CCSER1: variants seen among roughly 807,000 people sequenced by gnomAD.
CCSER1 encodes the protein serine-rich coiled-coil domain-containing protein 1.
Under a neutral mutation model 82.0 loss-of-function variants are expected in CCSER1, and 41 were observed. The ratio of observed to expected loss-of-function variants is 0.50; its 90% CI spans 0.39 to 0.65. The LOEUF (loss-of-function observed/expected upper bound fraction) is 0.65, where lower values mean the gene tolerates loss of function less well. Ranked by LOEUF, CCSER1 falls within the 30% of genes least tolerant of loss-of-function variation. CCSER1 has a pLI of 0.00. For synonymous variants in CCSER1, 414 were observed against 383.9 expected (o/e 1.08, Z -0.92); for missense variants, 1,119 against 1,064.2 (o/e 1.05, Z -0.72).
chr4:90,700,365 C>T (rs1390349739), intron 6 of CCSER1, among the ~76,000 whole-genome samples: 5 of 152,168 alleles, frequency 3.3e-5, no homozygotes, highest in Non-Finnish European at 5.9e-5. Flanking sequence ...ATATGTGCCA[C>T]ATTTTCTTAA....
chr4:90,156,357 G>C (rs1007645620), intron 1 of CCSER1, among the ~76,000 whole-genome samples: 2 of 152,162 alleles, frequency 1.3e-5, no homozygotes, highest in Non-Finnish European at 2.9e-5. Context: ...CTGTTGATTT[G>C]GGGTGGAGAG....
chr4:90,522,511 A>G (rs968518308), intron 5 of CCSER1, among the ~76,000 whole-genome samples: 3 of 152,136 alleles, frequency 2.0e-5, no homozygotes, highest in African/African-American at 7.2e-5. Flanking sequence ...TTCTTCTGCT[A>G]AGATATCTCC....
At chr4:91,467,993 T>C (rs375258878) in intron 10 of CCSER1, among the ~76,000 whole-genome samples, 2 of 152,126 alleles carry the variant, frequency 1.3e-5, no homozygotes, top group Admixed American at 6.6e-5. Context: ...CCAGCCATCC[T>C]ATTACTGGGT....
intron 5 of CCSER1, among the ~76,000 whole-genome samples, chr4:90,623,991 A>C (rs1722841026): frequency 6.6e-6 from 1 of 152,208 alleles, no homozygotes; most frequent in South Asian, 2.1e-4. Flanking sequence ...AAACAACAGT[A>C]AGTATCCTAA....
chr4:90,183,247 A>G (rs1037757466), intron 1 of CCSER1, among the ~76,000 whole-genome samples: 1 of 152,136 alleles, frequency 6.6e-6, no homozygotes, highest in Non-Finnish European at 1.5e-5. Context: ...CCTCCCATTC[A>G]TATAATTCCT....
At chr4:90,142,727 T>G (rs2153339295) in intron 1 of CCSER1, among the ~76,000 whole-genome samples, 1 of 152,280 alleles carries the variant, frequency 6.6e-6, no homozygotes. Context: ...CTTCACTTTT[T>G]TTTAAAGAGA....
At chr4:91,398,561 C>A (rs1488846795) in intron 10 of CCSER1, among the ~76,000 whole-genome samples, 1 of 151,746 alleles carries the variant, frequency 6.6e-6, no homozygotes, top group Non-Finnish European at 1.5e-5. Flanking sequence ...TGTACAAGAT[C>A]ACTTTTATTA....
chr4:90,451,593 G>C (rs1470433782), intron 4 of CCSER1, among the ~76,000 whole-genome samples: 2 of 152,194 alleles, frequency 1.3e-5, no homozygotes, highest in Non-Finnish European at 2.9e-5. Flanking sequence ...CTGGAAGCTG[G>C]TAGATGAAGC....
rs1031397538 is a variant in CCSER1 at position 90,510,550 on chromosome 4, C to T, written c.1724+42196C>T. On this transcript the variant is annotated intron_variant, in intron 5 of 10. Coordinates refer to ENST00000509176, the MANE Select transcript of CCSER1 (RefSeq NM_001145065.2). ...TAACTAGGCAAGTCCTGGACTTCAA[C>T]GTTGTCTTTTCCAGCTTTTCCATGA... 1.4e-4 allele frequency among the ~76,000 whole-genome samples: 22 copies of T among 152,302 alleles called. 1 individual carries two copies. The highest frequency in any genetic ancestry group is 4.6e-4 in the African/African-American group (19 of 41,570).
intron 7 of CCSER1, among the ~76,000 whole-genome samples, chr4:90,728,359 G>A (rs1410009449): frequency 6.6e-6 from 1 of 150,548 alleles, no homozygotes; most frequent in Non-Finnish European, 1.5e-5. Context: ...AATCAGCCAG[G>A]GCACTGATAA....
chr4:90,406,347 C>T (rs1275412399), intron 4 of CCSER1, among the ~76,000 whole-genome samples: 1 of 152,062 alleles, frequency 6.6e-6, no homozygotes, highest in Non-Finnish European at 1.5e-5. Flanking sequence ...CACTGGAGCT[C>T]CCAAATTTAG....
chr4:90,322,797 G>A (rs867522439), intron 3 of CCSER1, among the ~76,000 whole-genome samples: 1 of 152,300 alleles, frequency 6.6e-6, no homozygotes, highest in African/African-American at 2.4e-5. Flanking sequence ...TCTGTGGTAA[G>A]GTGGCCTGGA....
chr4:91,601,944 A>C lies in CCSER1; in HGVS notation c.*2887A>C, dbSNP rs183623288. On this transcript the variant is annotated 3_prime_UTR_variant, in exon 11 of 11. Transcript: ENST00000509176. ...ATGAACTCAATGATTTTTTTCCATA[A>C]AATTATATGCTAAGAGAGTCACCAC... 1.2e-4 allele frequency: 18 copies of C among 152,132 alleles called. No individual in the cohort carries two copies. Among genetic ancestry groups the C allele is most frequent in the African/African-American group, 4.3e-4 (18 of 41,544 alleles). 9.4% of individuals were successfully genotyped at this position (152,132 alleles called of 1,614,324 possible).
chr4:90,475,429 C>T (rs1764936581), intron 5 of CCSER1, among the ~76,000 whole-genome samples: 1 of 152,116 alleles, frequency 6.6e-6, no homozygotes, highest in African/African-American at 2.4e-5. Flanking sequence ...AAAGCTGTTG[C>T]CTAAATATAG....
chr4:91,526,440 G>C (rs191967188), intron 10 of CCSER1, among the ~76,000 whole-genome samples: 1 of 152,188 alleles, frequency 6.6e-6, no homozygotes. Flanking sequence ...TGACCACCCT[G>C]GGGACATGTT....
intron 1 of CCSER1, among the ~76,000 whole-genome samples, chr4:90,160,104 G>T (rs1306350028): frequency 1.3e-5 from 2 of 152,178 alleles, no homozygotes; most frequent in Admixed American, 6.5e-5. Flanking sequence ...GCTTGTTGGG[G>T]GCAGAGCAGG....
At chr4:91,552,857 T>C (rs1376059397) in intron 10 of CCSER1, among the ~76,000 whole-genome samples, 1 of 151,512 alleles carries the variant, frequency 6.6e-6, no homozygotes, top group Non-Finnish European at 1.5e-5. Flanking sequence ...TATTTGGAGG[T>C]CTTTAATTTC....
At chr4:91,420,108 C>A (rs1019062517) in intron 10 of CCSER1, among the ~76,000 whole-genome samples, 2 of 151,956 alleles carry the variant, frequency 1.3e-5, no homozygotes, top group Non-Finnish European at 2.9e-5. Flanking sequence ...TAGAAGAAAA[C>A]ATAGGGTAAA....
chr4:91,348,134 T>G (rs72879098), intron 10 of CCSER1, among the ~76,000 whole-genome samples: 10,055 of 152,194 alleles, frequency 0.066, 1,099 homozygotes, highest in African/African-American at 0.23. Context: ...TTTATCAAAT[T>G]GAGAAAGTTC....
Sources: allele counts gnomAD v4.1 joint callset (sites outside exome capture counted in the v4.1 genomes callset), GRCh38; gene constraint gnomAD v4.1.1; transcripts MANE v1.5; gene names NCBI Gene and HGNC (gene_info 2026-07-23, HGNC 2026-07-21).